Variants in ABLIM1 observed in about 807,000 individuals in gnomAD.
ABLIM1 encodes the protein actin-binding LIM protein 1.
Under a neutral mutation model 107.0 loss-of-function variants are expected in ABLIM1, and 40 were observed. The observed-to-expected ratio is 0.37, with a 90% CI of 0.29 to 0.49. The LOEUF is 0.49. Ranked by LOEUF, ABLIM1 falls within the 20% of genes least tolerant of loss-of-function variation. The pLI, the probability that ABLIM1 is intolerant of heterozygous loss-of-function variation, is 0.97. For synonymous variants in ABLIM1, 357 were observed against 357.3 expected (o/e 1.00, Z 0.01); for missense variants, 857 against 1,008.5 (o/e 0.85, Z 2.04).
chr10:114,677,258 T>C (rs753079751), intron 1 of ABLIM1, among the ~76,000 whole-genome samples: 6 of 152,164 alleles, frequency 3.9e-5, no homozygotes, highest in Non-Finnish European at 7.3e-5. Flanking sequence ...CAGTATATAA[T>C]AGTGAAATGA....
chr10:114,544,941 G>A (rs2067130994), intron 6 of ABLIM1, 64 bp downstream of exon 6: 1 of 1,485,928 alleles, frequency 6.7e-7, no homozygotes, highest in Non-Finnish European at 9.4e-7. Flanking sequence ...GTCCCCTCTT[G>A]TTTGTTTCTG....
intron 12 of ABLIM1, among the ~76,000 whole-genome samples, chr10:114,460,076 A>G (rs2063551690): frequency 6.6e-6 from 1 of 152,244 alleles, no homozygotes; most frequent in African/African-American, 2.4e-5. Context: ...AAAAGGGATG[A>G]AAAATAAAAG....
At chr10:114,440,303 C>T (rs2060003338) in intron 19 of ABLIM1, among the ~76,000 whole-genome samples, 1 of 152,202 alleles carries the variant, frequency 6.6e-6, no homozygotes, top group Non-Finnish European at 1.5e-5. Context: ...AACATTTTCC[C>T]CTGGAAGCTT....
intron 4 of ABLIM1, among the ~76,000 whole-genome samples, chr10:114,557,660 C>T (rs945473075): frequency 1.4e-5 from 2 of 143,070 alleles, no homozygotes; most frequent in African/African-American, 2.7e-5. Context: ...CCAATAGCTC[C>T]ATAGTGAGGT....
chr10:114,449,883 G>A (rs1589785740), intron 14 of ABLIM1, among the ~76,000 whole-genome samples: 2 of 152,126 alleles, frequency 1.3e-5, no homozygotes, highest in East Asian at 3.8e-4. Context: ...CGCTGCTCTG[G>A]CTGGGCTATT....
At chr10:114,690,075 G>C in intron 1 of ABLIM1, 1 of 862,774 alleles carries the variant, frequency 1.2e-6, no homozygotes, top group Non-Finnish European at 1.8e-6. Context: ...CAAGCAAATG[G>C]GGTGGAGGGT....
At chr10:114,504,651 G>C (rs571395874) in intron 6 of ABLIM1, among the ~76,000 whole-genome samples, 1 of 152,068 alleles carries the variant, frequency 6.6e-6, no homozygotes, top group Non-Finnish European at 1.5e-5. Flanking sequence ...GATTTTTGAC[G>C]TGTTATAAGG....
At chr10:114,449,354 A>T (rs1238549016) in intron 14 of ABLIM1, among the ~76,000 whole-genome samples, 1 of 152,206 alleles carries the variant, frequency 6.6e-6, no homozygotes, top group Non-Finnish European at 1.5e-5. Context: ...TAACCTTTTG[A>T]ATCTTCAGCT....
chr10:114,450,474 C>T (rs796950069), intron 14 of ABLIM1, among the ~76,000 whole-genome samples: 8 of 122,082 alleles, frequency 6.6e-5, no homozygotes, highest in African/African-American at 1.6e-4. Flanking sequence ...CTCATTCTGT[C>T]GCCCAAGCTG....
intron 14 of ABLIM1, 130 bp from the exon 15 acceptor site, chr10:114,448,150 T>C (rs2061323094): frequency 1.7e-6 from 2 of 1,178,612 alleles, no homozygotes; most frequent in Admixed American, 4.6e-5. Flanking sequence ...TTTATTACCA[T>C]TATCCATGGC....
chr10:114,702,506 C>T (rs1029596949), intron 1 of ABLIM1, among the ~76,000 whole-genome samples: 1 of 147,380 alleles, frequency 6.8e-6, no homozygotes, highest in Non-Finnish European at 1.5e-5. Flanking sequence ...ATACACTGAA[C>T]AATATATAAG....
chr10:114,796,373 G>T, the ABLIM1 span, among the ~76,000 whole-genome samples: 1 of 152,118 alleles, frequency 6.6e-6, no homozygotes, highest in Non-Finnish European at 1.5e-5. Context: ...CACTCACATG[G>T]TTGCTGGCAA....
At chr10:114,450,066 G>A (rs1170908858) in intron 14 of ABLIM1, 3 of 386,836 alleles carry the variant, frequency 7.8e-6, no homozygotes, top group African/African-American at 2.2e-5. Context: ...TTTAAAGCCT[G>A]TAAGTTGACA....
chr10:114,603,166 G>A (rs1002259862), intron 1 of ABLIM1, among the ~76,000 whole-genome samples: 1 of 152,164 alleles, frequency 6.6e-6, no homozygotes, highest in Non-Finnish European at 1.5e-5. Flanking sequence ...TGAGCAGGGG[G>A]TAGATGTGGG....
intron 1 of ABLIM1, 39 bp from the exon 2 acceptor site, chr10:114,602,000 G>A (rs1435557447): frequency 7.5e-6 from 12 of 1,608,728 alleles, no homozygotes; most frequent in Non-Finnish European, 1.0e-5. Context: ...TGAGTAGAGA[G>A]CATTCCTGCA....
At chr10:114,480,573 G>C (rs748620573) in intron 8 of ABLIM1, among the ~76,000 whole-genome samples, 1 of 152,174 alleles carries the variant, frequency 6.6e-6, no homozygotes, top group Non-Finnish European at 1.5e-5. Context: ...CATGGAGGTG[G>C]GGTGAGGTGA....
chr10:114,788,426 A>G, the ABLIM1 span, among the ~76,000 whole-genome samples: 1 of 151,790 alleles, frequency 6.6e-6, no homozygotes, highest in East Asian at 1.9e-4. Flanking sequence ...AAAAAAAAAA[A>G]AAGAAAGAAA....
At chr10:114,708,688 C>G (rs1403132133) in intron 1 of ABLIM1, among the ~76,000 whole-genome samples, 1 of 152,096 alleles carries the variant, frequency 6.6e-6, no homozygotes, top group African/African-American at 2.4e-5. Flanking sequence ...GAAAGAAGAG[C>G]AGAGAAAATA....
intron 1 of ABLIM1, among the ~76,000 whole-genome samples, chr10:114,673,765 C>A (rs1041083733): frequency 6.6e-6 from 1 of 152,164 alleles, no homozygotes; most frequent in Non-Finnish European, 1.5e-5. Flanking sequence ...TGAGGAGGGA[C>A]CATATTTATT....
Sources: allele counts gnomAD v4.1 joint callset (sites outside exome capture counted in the v4.1 genomes callset), GRCh38; gene constraint gnomAD v4.1.1; transcripts MANE v1.5; gene names NCBI Gene and HGNC (gene_info 2026-07-23, HGNC 2026-07-21).